Variants in BCAP29 observed in about 807,000 individuals in gnomAD.
BCAP29 encodes the protein B-cell receptor-associated protein 29.
In BCAP29, 34 loss-of-function variants were observed where a neutral mutation model predicts 31.8. The ratio of observed to expected loss-of-function variants is 1.07; its 90% CI spans 0.81 to 1.42. BCAP29 has a LOEUF of 1.42. Among genes scored for constraint, BCAP29 ranks in the 40% most tolerant of loss-of-function variants. The pLI is 0.00. For synonymous variants in BCAP29, 104 were observed against 91.3 expected, an observed-to-expected ratio of 1.14 and a Z score of -0.79; for missense variants, 314 against 269.2, an observed-to-expected ratio of 1.17 and a Z score of -1.16.
chr7:107,613,773 A>G, intron 7 of BCAP29: 1 of 1,516,136 alleles, frequency 6.6e-7, no homozygotes, highest in South Asian at 1.1e-5. Flanking sequence ...ATTCATGCCA[A>G]AATGAGGCCA....
chr7:107,614,773 A>C (rs3823958), intron 7 of BCAP29, among the ~76,000 whole-genome samples: 53,850 of 152,108 alleles, frequency 0.35, 11,666 homozygotes, highest in South Asian at 0.64. Context: ...ATCCCAGGAC[A>C]CTGAGGGCTC....
At chr7:107,599,246 A>AATATATATAATTTAT (rs1563134016) in intron 5 of BCAP29, among the ~76,000 whole-genome samples, 1 of 127,566 alleles carries the variant, frequency 7.8e-6, no homozygotes, top group African/African-American at 3.1e-5. Flanking sequence ...TTTATATATA[A>AATATATATAATTTAT]ATATATATAA....
At chr7:107,604,602 C>G (rs1811739801) in intron 6 of BCAP29, among the ~76,000 whole-genome samples, 1 of 151,724 alleles carries the variant, frequency 6.6e-6, no homozygotes. Context: ...ACAGTTATAT[C>G]AAAGCCCCCA....
upstream of BCAP29, chr7:107,580,114 A>G (rs1278154745): frequency 6.6e-6 from 1 of 152,146 alleles, no homozygotes; most frequent in African/African-American, 2.4e-5. Context: ...CAATTAGAAA[A>G]CAACTGTTGC....
chr7:107,615,129 C>T (rs771008741), intron 7 of BCAP29: 37 of 444,592 alleles, frequency 8.3e-5, no homozygotes, highest in Non-Finnish European at 1.5e-4. Flanking sequence ...TTGAATGTCT[C>T]CATTGTTGAA....
chr7:107,606,079 G>A (rs976620774), intron 6 of BCAP29, among the ~76,000 whole-genome samples: 28 of 152,254 alleles, frequency 1.8e-4, no homozygotes, highest in African/African-American at 5.8e-4. Flanking sequence ...AATCTAGGGC[G>A]GTAGTTTTTT....
chr7:107,603,478 T>C (rs1002655554), intron 6 of BCAP29: 1 of 152,016 alleles, frequency 6.6e-6, no homozygotes, highest in African/African-American at 2.4e-5. Flanking sequence ...GTAGTAAAGG[T>C]TGAATTAGCA....
rs1809181089 is a variant in BCAP29 at position 107,593,138 on chromosome 7, G to A, written c.194-817G>A. Among the ~76,000 whole-genome samples the A allele has an allele frequency of 3.3e-5, 5 of 152,294 alleles. 1 individual carries two copies. The Middle Eastern group carries it at 0.01, about 311-fold the overall frequency. ...CCAGTTTTCTAACTGGAGTCTCCTT[G>A]TGTGGCAATAACTCTTACCCAAGAC... is the stretch of plus-strand genomic sequence containing the variant. On this transcript the variant is annotated intron_variant, in intron 3 of 7. Transcript: ENST00000005259.
chr7:107,584,968 G>A (rs908326888), intron 3 of BCAP29, among the ~76,000 whole-genome samples: 1 of 152,184 alleles, frequency 6.6e-6, no homozygotes, highest in Non-Finnish European at 1.5e-5. Flanking sequence ...CATGGTAACA[G>A]TATTTTAAAA....
intron 6 of BCAP29, among the ~76,000 whole-genome samples, chr7:107,604,456 A>G (rs1324087414): frequency 1.3e-5 from 2 of 152,188 alleles, no homozygotes; most frequent in African/African-American, 4.8e-5. Context: ...AGCTTTGTAT[A>G]CAAGTTTAAA....
At chr7:107,580,952 G>A (rs1000895719) in intron 2 of BCAP29, 88 bp downstream of exon 2, 1 of 904,058 alleles carries the variant, frequency 1.1e-6, no homozygotes, top group Non-Finnish European at 1.6e-6. Flanking sequence ...AAAAAGTTTC[G>A]AAAGTCTTTG....
chr7:107,613,599 C>A, intron 7 of BCAP29, 167 bp downstream of exon 7: 2 of 1,499,416 alleles, frequency 1.3e-6, no homozygotes, highest in African/African-American at 1.4e-5. Context: ...AAGATTAGGA[C>A]ATTGCAGGAA....
At chr7:107,608,410 C>A (rs1309419469) in intron 6 of BCAP29, among the ~76,000 whole-genome samples, 1 of 152,104 alleles carries the variant, frequency 6.6e-6, no homozygotes, top group Non-Finnish European at 1.5e-5. Context: ...CCATTGGGAG[C>A]TCTTTCATTT....
intron 6 of BCAP29, among the ~76,000 whole-genome samples, chr7:107,601,508 A>C (rs1811173001): frequency 6.6e-6 from 1 of 152,222 alleles, no homozygotes; most frequent in East Asian, 1.9e-4. Context: ...AATAAGTTAA[A>C]AAATAAATTA....
chr7:107,589,956 G>A (rs573192480), intron 3 of BCAP29, among the ~76,000 whole-genome samples: 3 of 152,182 alleles, frequency 2.0e-5, no homozygotes, highest in Admixed American at 2.0e-4. Context: ...CCCCTACAGA[G>A]TATGAAAATA....
intron 6 of BCAP29, among the ~76,000 whole-genome samples, chr7:107,612,722 G>A (rs1281148161): frequency 6.6e-6 from 1 of 151,956 alleles, no homozygotes; most frequent in Non-Finnish European, 1.5e-5. Context: ...TATGTAAGTG[G>A]ATGCATGACC....
chr7:107,600,469 G>C lies in BCAP29; in HGVS notation c.553G>C (p.Glu185Gln). The C allele has an allele frequency of 6.2e-7, 1 of 1,609,544 alleles. No individual in the cohort carries two copies. The highest frequency in any genetic ancestry group is 8.5e-7 in the Non-Finnish European group (1 of 1,177,114). The change falls in exon 6 of 8, where the codon GAG (glutamate) becomes CAG (glutamine). Residue 185 changes from glutamate (E) to glutamine (Q), a missense_variant. Coordinates refer to ENST00000005259, the MANE Select transcript of BCAP29 (RefSeq NM_018844.4). Reference sequence around the variant, plus strand: ...AAATAAAAAACTAGTAGAAGACCAGGAGAAACTGAAAACTGAATTAAGGAA... The same window carrying C: ...AAATAAAAAACTAGTAGAAGACCAGCAGAAACTGAAAACTGAATTAAGGAA... ...AENKKLVEDQ[E>Q]KLKTELRKTS...
At chr7:107,605,210 G>A (rs1361170697) in intron 6 of BCAP29, among the ~76,000 whole-genome samples, 4 of 152,018 alleles carry the variant, frequency 2.6e-5, no homozygotes, top group Non-Finnish European at 4.4e-5. Flanking sequence ...ATAGCTATAG[G>A]GAAGATATTA....
chr7:107,591,581 GCT>G (rs1257674264), intron 3 of BCAP29, among the ~76,000 whole-genome samples: 1 of 129,824 alleles, frequency 7.7e-6, no homozygotes, highest in Admixed American at 7.8e-5. Flanking sequence ...TAAATCTCGA[GCT>G]CTCTCTCTCT....
Sources: allele counts gnomAD v4.1 joint callset (sites outside exome capture counted in the v4.1 genomes callset), GRCh38; gene constraint gnomAD v4.1.1; transcripts MANE v1.5; gene names NCBI Gene and HGNC (gene_info 2026-07-23, HGNC 2026-07-21).